The following MROH2A variants were observed in gnomAD, a reference collection of about 807,000 sequenced individuals.
The protein encoded by MROH2A is maestro heat-like repeat-containing protein family member 2A.
In MROH2A, 174 loss-of-function variants were observed where a neutral mutation model predicts 200.4. That is an observed-to-expected ratio of 0.87 (90% CI 0.77 to 0.98). The LOEUF (loss-of-function observed/expected upper bound fraction) is 0.98. MROH2A is among the 50% of genes least tolerant of loss of function. The pLI, the probability that MROH2A is intolerant of heterozygous loss-of-function variation, is 0.00. For missense variants in MROH2A, 2,045 were observed against 2,139.6 expected (o/e 0.96, Z 0.87); for synonymous variants, 829 against 840.4 (o/e 0.99, Z 0.23).
chr2:233,804,971 G>T (rs1399117259), intron 18 of MROH2A, 33 bp from the exon 19 acceptor site: 1 of 1,346,432 alleles, frequency 7.4e-7, no homozygotes, highest in Non-Finnish European at 1.0e-6. Flanking sequence ...GAAGGCCTTT[G>T]GCCCTTCTCA....
Position 233,800,113 on chromosome 2 carries a change from A to C in MROH2A, c.1450-92A>C. ...CATTCTGTAGACTCAGTATCTGGGC[A>C]TGGAGCCCCTGGGGAGTGAGGAGAC... On this transcript the variant is annotated intron_variant, in intron 13 of 41. Coordinates refer to ENST00000389758, the MANE Select transcript of MROH2A (RefSeq NM_001394639.1). 5.5e-6 allele frequency: 6 copies of C among 1,090,048 alleles called. No homozygotes were observed. The Admixed American group carries it at 1.4e-4, about 26-fold the overall frequency. 67.5% of individuals were successfully genotyped at this position (1,090,048 alleles called of 1,614,324 possible). A position where few individuals can be genotyped will look rare whatever the true frequency, so the allele number is the denominator to read the frequency against.
intron 25 of MROH2A, 109 bp from the exon 26 acceptor site, chr2:233,814,473 G>A: frequency 1.5e-6 from 1 of 684,820 alleles, no homozygotes; most frequent in Non-Finnish European, 2.6e-6. Context: ...AGACTGAACA[G>A]AAGTTAGTGG....
Position 233,833,295 on chromosome 2 carries a change from T to A in MROH2A, c.*36T>A. 5.4e-6 allele frequency: 8 copies of A among 1,479,318 alleles called. No individual in the cohort carries two copies. Among genetic ancestry groups the A allele is most frequent in the Non-Finnish European group, 7.2e-6 (8 of 1,115,278 alleles). The allele number at this position is 1,479,318 out of a possible 1,614,324, so 91.6% of individuals were successfully genotyped here. A position where few individuals can be genotyped will look rare whatever the true frequency, so the allele number is the denominator to read the frequency against. On this transcript the variant is annotated 3_prime_UTR_variant, in exon 42 of 42. Coordinates refer to ENST00000389758, the MANE Select transcript of MROH2A (RefSeq NM_001394639.1). Reference sequence around the variant, plus strand: ...CATAAGACGTAAACTGTCTTCTTAGTGCCAAATGCAAGCCCTTTTTAATTT... The same window carrying A: ...CATAAGACGTAAACTGTCTTCTTAGAGCCAAATGCAAGCCCTTTTTAATTT...
rs2124856579 is a variant in MROH2A at position 233,820,189 on chromosome 2, C to T, written c.3512+133C>T. 1 of 734,716 alleles carries T rather than the reference C, an allele frequency of 1.4e-6. No homozygotes were observed. Among genetic ancestry groups the T allele is most frequent in the Non-Finnish European group, 2.0e-6 (1 of 497,640 alleles). The allele number at this position is 734,716 out of a possible 1,614,324, so 45.5% of individuals were successfully genotyped here. A position where few individuals can be genotyped will look rare whatever the true frequency, so the allele number is the denominator to read the frequency against. ...CCACCCTGAAGGAGGTCGAAGCCCTCTTCCTGTACCTCCTGCAGGAGGTGC... is the reference window on the plus strand; with the variant it reads ...CCACCCTGAAGGAGGTCGAAGCCCTTTTCCTGTACCTCCTGCAGGAGGTGC... On this transcript the variant is annotated intron_variant, in intron 31 of 41. Coordinates refer to ENST00000389758, the MANE Select transcript of MROH2A (RefSeq NM_001394639.1). The surrounding 1 kb of genome is among the most constrained non-coding windows in gnomAD (Gnocchi z 4.1).
chr2:233,796,458 C>G, intron 11 of MROH2A, 145 bp downstream of exon 11: 1 of 605,442 alleles, frequency 1.7e-6, no homozygotes, highest in East Asian at 2.8e-5. Flanking sequence ...TTCTTGGCTG[C>G]TTTGCATTTT....
chr2:233,826,150 CT>C (rs1255537165), intron 35 of MROH2A, among the ~76,000 whole-genome samples: 1 of 152,122 alleles, frequency 6.6e-6, no homozygotes, highest in East Asian at 1.9e-4. Flanking sequence ...GTCTCGATCT[CT>C]TGACCTTGTG....
intron 6 of MROH2A, 87 bp downstream of exon 6, chr2:233,792,981 TG>T: frequency 7.7e-7 from 1 of 1,300,350 alleles, no homozygotes; most frequent in Non-Finnish European, 1.1e-6. Flanking sequence ...GAGGGGTTGT[TG>T]AAAAAGAGGT....
In MROH2A at chr2:233,811,977, C is replaced by G; in HGVS notation, c.2651+18C>G. 6.6e-7 allele frequency: 1 copy of G among 1,523,186 alleles called. No homozygotes were observed. The allele number at this position is 1,523,186 out of a possible 1,614,324, so 94.4% of individuals were successfully genotyped here. ...CACCTGAGGTGAGCTGGGTTCCCAC[C>G]CTCACCCCATCCCAAGGGGTAGGGA... is the stretch of plus-strand genomic sequence containing the variant. On this transcript the variant is annotated intron_variant, in intron 24 of 41. Transcript: ENST00000389758.
chr2:233,798,815 G>C lies in MROH2A; in HGVS notation c.1294G>C (p.Val432Leu), dbSNP rs1702274759. The C allele has an allele frequency of 6.5e-7, 1 of 1,550,332 alleles. No homozygotes were observed. The highest frequency in any genetic ancestry group is 2.0e-5 in the Admixed American group (1 of 50,976). The stretch of plus-strand genomic sequence containing the variant: ...CAGGGCCATCTACCTGGCTATCCGG[G>C]TAGTCAAGAACACCATCTCTGATAC... ...SIRAIYLAIRVVKNTISDTRS... is the reference protein window; with the variant it reads ...SIRAIYLAIRLVKNTISDTRS... The change falls in exon 12 of 42, where the codon GTA becomes CTA. Residue 432 changes from valine (V) to leucine (L), a missense_variant. Physicochemically the swap from Val to Leu is conservative, Grantham distance 32 (BLOSUM62 1). Around this residue, in one of 3 missense-constraint regions of MROH2A, gnomAD observed 831 missense variants for 800.0 expected, o/e 1.04. Transcript: ENST00000389758.
chr2:233,799,976 A>G, intron 13 of MROH2A, 77 bp downstream of exon 13: 1 of 1,525,028 alleles, frequency 6.6e-7, no homozygotes, highest in Non-Finnish European at 8.9e-7. Flanking sequence ...GGAGAATGCC[A>G]CTCAGCGTAC....
intron 12 of MROH2A, 51 bp from the exon 13 acceptor site, chr2:233,799,729 G>A (rs975433787): frequency 9.8e-5 from 152 of 1,547,322 alleles, no homozygotes; most frequent in Non-Finnish European, 1.3e-4. Context: ...AGGATTGGGT[G>A]CCTTGGAGCC....
chr2:233,816,855 G>A lies in MROH2A; in HGVS notation c.2931G>A (p.Met977Ile). Residue 977 changes from methionine to isoleucine, a missense_variant, in exon 27 of 42, where the codon ATG (methionine) becomes ATA (isoleucine). By Grantham distance (10) the Met-to-Ile change is conservative. Around this residue, in one of 3 missense-constraint regions of MROH2A, gnomAD observed 1,201 missense variants for 1,311.3 expected, o/e 0.92. Transcript: ENST00000389758. The part of the protein sequence containing the change: ...EKAVSLHLYL[M>I]WIYVHSTAVC... ...CCGTGAGCCTCCATCTCTATCTCAT[G>A]TGGATTTATGTCCACAGCACTGCTG... 1.9e-6 allele frequency: 3 copies of A among 1,550,014 alleles called. No homozygotes were observed. Among genetic ancestry groups the A allele is most frequent in the Non-Finnish European group, 2.6e-6 (3 of 1,146,520 alleles).
intron 3 of MROH2A, among the ~76,000 whole-genome samples, chr2:233,782,979 G>A (rs1170731251): frequency 1.3e-5 from 2 of 152,238 alleles, no homozygotes; most frequent in Admixed American, 1.3e-4. Flanking sequence ...ATGATCATAT[G>A]ATTGTTGTTC....
At chr2:233,798,328 G>A (rs1174580132) in intron 11 of MROH2A, among the ~76,000 whole-genome samples, 1 of 152,178 alleles carries the variant, frequency 6.6e-6, no homozygotes, top group Non-Finnish European at 1.5e-5. Context: ...AGGCGCAGAG[G>A]GGCTACGTAA....
intron 32 of MROH2A, 29 bp downstream of exon 32, chr2:233,822,312 C>T: frequency 1.0e-5 from 16 of 1,548,110 alleles, no homozygotes; most frequent in Non-Finnish European, 1.3e-5. Context: ...CCCCAAGGCT[C>T]CTCAGGGGTC....
In MROH2A at chr2:233,822,161, G is replaced by A. The variant is rs6734083; in HGVS notation, c.3550G>A (p.Val1184Met). 0.075 allele frequency: 116,708 copies of A among 1,549,810 alleles called. 4,627 individuals carry two copies. Among genetic ancestry groups the A allele is most frequent in the African/African-American group, 0.12 (8,901 of 73,136 alleles). The change falls in exon 32 of 42, where the codon GTG becomes ATG. Residue 1184 changes from valine (V) to methionine (M), a missense_variant. This residue lies in a region of MROH2A where 1,201 missense variants were observed against 1,311.3 expected (regional missense o/e 0.92). Coordinates refer to ENST00000389758, the MANE Select transcript of MROH2A (RefSeq NM_001394639.1). ...GGTGTGGCTGGCAGTGTCGGAGAAC[G>A]TGCCCTTCGCCCGGACCATGCTCCA... is the stretch of plus-strand genomic sequence containing the variant. ...AEVWLAVSEN[V>M]PFARTMLHSL...
At position 233,833,247 on chromosome 2, in the gene MROH2A, A is replaced by G. The variant is rs780726287; in HGVS notation, c.5013A>G (p.Gln1671=). The change falls in exon 42 of 42, where the codon CAA becomes CAG. Residue 1671 remains glutamine (Q), a synonymous_variant. Transcript: ENST00000389758. ...CSQHGFLASP[Q]GMS is the part of the protein sequence containing the mutation. ...AGCATGGGTTTCTGGCTTCACCCCA[A>G]GGAATGTCCTAGGTGGTCCAAACAT... 50 of 1,549,136 alleles carry G rather than the reference A, an allele frequency of 3.2e-5. No homozygotes were observed. Among genetic ancestry groups the G allele is most frequent in the Admixed American group, 3.0e-4 (15 of 50,588 alleles).
At chr2:233,786,970 C>G (rs1428697576) in intron 3 of MROH2A, among the ~76,000 whole-genome samples, 1 of 152,064 alleles carries the variant, frequency 6.6e-6, no homozygotes, top group Non-Finnish European at 1.5e-5. Flanking sequence ...GAAACACGTG[C>G]ATTGTTATCA....
At chr2:233,792,523 C>T (rs1425584028) in intron 5 of MROH2A, among the ~76,000 whole-genome samples, 3 of 152,072 alleles carry the variant, frequency 2.0e-5, no homozygotes, top group Non-Finnish European at 4.4e-5. Context: ...CCGTGTTAGC[C>T]AGGATGACCT....
Sources: allele counts gnomAD v4.1 joint callset (sites outside exome capture counted in the v4.1 genomes callset), GRCh38; gene constraint gnomAD v4.1.1; regional missense constraint gnomAD v4.1.1; non-coding constraint Gnocchi (gnomAD v3.1); transcripts MANE v1.5; gene names NCBI Gene and HGNC (gene_info 2026-07-23, HGNC 2026-07-21).